FARS2: variants seen among roughly 807,000 people sequenced by gnomAD.
FARS2 encodes the protein phenylalanyl-tRNA synthetase 2, mitochondrial, also known as phenylalanine--tRNA ligase, mitochondrial.
Under a neutral mutation model 46.4 loss-of-function variants are expected in FARS2, and 40 were observed. The observed-to-expected ratio is 0.86, with a 90% confidence interval of 0.67 to 1.12. FARS2 has a LOEUF of 1.12. Among genes scored for constraint, FARS2 ranks in the 50% most tolerant of loss-of-function variants. The pLI, the probability that FARS2 is intolerant of heterozygous loss-of-function variation, is 0.00. For missense variants in FARS2, 513 were observed against 567.9 expected (o/e 0.90, Z 0.98); for synonymous variants, 234 against 214.9 (o/e 1.09, Z -0.78).
intron 6 of FARS2, among the ~76,000 whole-genome samples, chr6:5,717,908 C>CTATATATATATATATATA (rs58922507): frequency 2.6e-4 from 20 of 77,706 alleles, no homozygotes; most frequent in African/African-American, 7.9e-4. Flanking sequence ...AAGGTATCAG[C>CTATATATATATATATATA]TATATATATA....
At chr6:5,365,354 CAG>C (rs1758594792) in intron 1 of FARS2, among the ~76,000 whole-genome samples, 1 of 72,930 alleles carries the variant, frequency 1.4e-5, no homozygotes, top group East Asian at 4.0e-4. Flanking sequence ...TTTAGTGAGG[CAG>C]AGTCTCACTC....
At chr6:5,739,183 T>C (rs7765638) in intron 6 of FARS2, among the ~76,000 whole-genome samples, 36,596 of 152,066 alleles carry the variant, frequency 0.24, 8,427 homozygotes, top group African/African-American at 0.58. Context: ...TTCATCCAAG[T>C]TGTTGCATGT....
chr6:5,296,421 G>A (rs562424009), intron 1 of FARS2, among the ~76,000 whole-genome samples: 6 of 152,244 alleles, frequency 3.9e-5, no homozygotes, highest in South Asian at 4.1e-4. Flanking sequence ...GATTACAGGC[G>A]TGCGCCACTG....
At chr6:5,510,794 T>C (rs1768405711) in intron 4 of FARS2, among the ~76,000 whole-genome samples, 1 of 151,282 alleles carries the variant, frequency 6.6e-6, no homozygotes, top group South Asian at 2.1e-4. Context: ...CTTTTGGGGA[T>C]TCACTGTCAG....
At chr6:5,696,802 AAATAC>A (rs1317956981) in intron 6 of FARS2, among the ~76,000 whole-genome samples, 1 of 152,200 alleles carries the variant, frequency 6.6e-6, no homozygotes, top group Non-Finnish European at 1.5e-5. Context: ...TCATTTCTAA[AAATAC>A]AATGTGGAAG....
At chr6:5,318,729 A>T (rs749669273) in intron 1 of FARS2, among the ~76,000 whole-genome samples, 9 of 152,126 alleles carry the variant, frequency 5.9e-5, no homozygotes, top group Non-Finnish European at 1.0e-4. Context: ...GGCTCACTCT[A>T]TGCAAATGAA....
chr6:5,423,336 G>A lies in FARS2; in HGVS notation c.773-7705G>A, dbSNP rs565116900. 2.0e-4 allele frequency among the ~76,000 whole-genome samples: 31 copies of A among 151,944 alleles called. No homozygotes were observed. The South Asian group carries it at 6.4e-3, about 32-fold the overall frequency. On this transcript the variant is annotated intron_variant, in intron 3 of 6. Transcript: ENST00000274680. Reference sequence around the variant, plus strand: ...CCATACCCAGATTTCAGAATGAGGGGCCCATTAAATTGTGCCATACTCCAT... The same window carrying A: ...CCATACCCAGATTTCAGAATGAGGGACCCATTAAATTGTGCCATACTCCAT...
chr6:5,398,632 T>C (rs1283800833), intron 2 of FARS2, among the ~76,000 whole-genome samples: 2 of 152,216 alleles, frequency 1.3e-5, no homozygotes, highest in Non-Finnish European at 2.9e-5. Flanking sequence ...GCCCTAGGGA[T>C]ATCATTACTT....
intron 6 of FARS2, among the ~76,000 whole-genome samples, chr6:5,656,964 A>T (rs1054818470): frequency 6.6e-6 from 1 of 152,194 alleles, no homozygotes; most frequent in African/African-American, 2.4e-5. Flanking sequence ...AGTGAGTATC[A>T]CTTGAGTGGC....
rs114042641 is a variant in FARS2 at position 5,409,931 on chromosome 6, G to A, written c.772+5230G>A. On this transcript the variant is annotated intron_variant, in intron 3 of 6. Transcript: ENST00000274680. ...CGACCGTGTTTGCCGTGTTTGTGAC[G>A]TCCGCTGTATTGCCTCTCAGGGGAG... is the stretch of plus-strand genomic sequence containing the variant. Among the ~76,000 whole-genome samples the A allele has an allele frequency of 8.5e-5, 13 of 152,168 alleles. No individual in the cohort carries two copies. The East Asian group carries it at 2.1e-3, about 25-fold the overall frequency.
At chr6:5,414,248 C>G (rs1762092884) in intron 3 of FARS2, among the ~76,000 whole-genome samples, 1 of 152,206 alleles carries the variant, frequency 6.6e-6, no homozygotes, top group Non-Finnish European at 1.5e-5. Flanking sequence ...TCTGCTTACT[C>G]TTTTGTTTAT....
At chr6:5,375,194 A>G (rs1759300100) in intron 2 of FARS2, among the ~76,000 whole-genome samples, 1 of 152,084 alleles carries the variant, frequency 6.6e-6, no homozygotes, top group Admixed American at 6.5e-5. Flanking sequence ...CAGATCAACT[A>G]TTAGAACTTA....
intron 5 of FARS2, among the ~76,000 whole-genome samples, chr6:5,601,726 C>T (rs1031095035): frequency 6.6e-6 from 1 of 152,014 alleles, no homozygotes; most frequent in African/African-American, 2.4e-5. Flanking sequence ...GTGGCTATCT[C>T]GTGGAGTTGT....
At position 5,545,160 on chromosome 6, in the gene FARS2, A is replaced by G. The variant is rs781653946; in HGVS notation, c.905-20A>G. The G allele has an allele frequency of 1.2e-6, 2 of 1,612,554 alleles. No individual in the cohort carries two copies. The highest frequency in any genetic ancestry group is 1.7e-6 in the Non-Finnish European group (2 of 1,178,876). On this transcript the variant is annotated intron_variant, in intron 4 of 6. Transcript: ENST00000274680. The stretch of plus-strand genomic sequence containing the variant: ...ATCTCGATACTTTTTAAAAACAACT[A>G]TTTTGTTTCCTAATCACAGCTGGTG...
chr6:5,466,701 A>T lies in FARS2; in HGVS notation c.904+35529A>T, dbSNP rs1047513066. ...TTCAAACCTGGGGAGCTGGATAAAA[A>T]TGCCTGTTTCCTTCCAGAGAGTCGA... On this transcript the variant is annotated intron_variant, in intron 4 of 6. Transcript: ENST00000274680. 6 of 984,966 alleles carry T rather than the reference A, an allele frequency of 6.1e-6. No homozygotes were observed. The African/African-American group carries it at 1.0e-4, about 17-fold the overall frequency. 61.0% of individuals were successfully genotyped at this position (984,966 alleles called of 1,614,324 possible).
At chr6:5,288,493 C>T (rs1315074508) in intron 1 of FARS2, among the ~76,000 whole-genome samples, 3 of 152,182 alleles carry the variant, frequency 2.0e-5, no homozygotes, top group Non-Finnish European at 4.4e-5. Context: ...GTTCTTCTCA[C>T]TTGTGCACTG....
chr6:5,532,842 T>A (rs769176367), intron 4 of FARS2, among the ~76,000 whole-genome samples: 8 of 152,118 alleles, frequency 5.3e-5, no homozygotes, highest in South Asian at 2.1e-4. Context: ...TTAGTGTTCC[T>A]TGTAGCAGTT....
intron 5 of FARS2, among the ~76,000 whole-genome samples, chr6:5,546,513 G>A (rs2326639): frequency 0.084 from 12,720 of 151,216 alleles, 808 homozygotes; most frequent in South Asian, 0.19. Context: ...GCCTCCCGAA[G>A]TGCTGGGATT....
chr6:5,264,826 C>T (rs991436844), intron 1 of FARS2, among the ~76,000 whole-genome samples: 2 of 152,112 alleles, frequency 1.3e-5, no homozygotes, highest in African/African-American at 4.8e-5. Flanking sequence ...GAGACAGGGT[C>T]TCTGTTTACT....
Sources: allele counts gnomAD v4.1 joint callset (sites outside exome capture counted in the v4.1 genomes callset), GRCh38; gene constraint gnomAD v4.1.1; transcripts MANE v1.5; gene names NCBI Gene and HGNC (gene_info 2026-07-23, HGNC 2026-07-21).